IQCK: variants seen among roughly 807,000 people sequenced by gnomAD.
IQCK encodes IQ motif containing K, also known as IQ domain-containing protein K.
Under a neutral mutation model 28.1 loss-of-function variants are expected in IQCK, and 29 were observed. The observed-to-expected ratio is 1.03, with a 90% CI of 0.77 to 1.41. The LOEUF (loss-of-function observed/expected upper bound fraction) is 1.41, where lower values mean the gene tolerates loss of function less well. IQCK is among the 40% of genes most tolerant of loss of function. The pLI, the probability that IQCK is intolerant of heterozygous loss-of-function variation, is 0.00. For missense variants in IQCK, 359 were observed against 314.7 expected, an observed-to-expected ratio of 1.14 and a Z score of -1.07; for synonymous variants, 113 against 115.1, an observed-to-expected ratio of 0.98 and a Z score of 0.12.
intron 4 of IQCK, among the ~76,000 whole-genome samples, chr16:19,744,521 G>A (rs893667290): frequency 2.0e-5 from 3 of 152,170 alleles, no homozygotes; most frequent in African/African-American, 7.2e-5. Context: ...AATTTTTGGT[G>A]GAGATTACAA....
At position 19,744,164 on chromosome 16, in the gene IQCK, A is replaced by G. The variant is rs182813283; in HGVS notation, c.474+8714A>G. On this transcript the variant is annotated intron_variant, in intron 4 of 7. Transcript: ENST00000564186. ...TTGATTTTGAGTCACTCATCTTGTG[A>G]TTCTTTTATATATATCATTTTAAAT... Among the ~76,000 whole-genome samples the G allele has an allele frequency of 9.4e-4, 143 of 152,268 alleles. No individual in the cohort carries two copies. In the Middle Eastern group the frequency reaches 0.01, roughly 11 times the overall value.
chr16:19,775,096 G>A (rs921451635), intron 6 of IQCK, among the ~76,000 whole-genome samples: 3 of 151,922 alleles, frequency 2.0e-5, no homozygotes, highest in African/African-American at 7.3e-5. Context: ...GCGTGGTGGT[G>A]TGTGCCTGTA....
chr16:19,820,949 C>A (rs2056063991), intron 7 of IQCK, among the ~76,000 whole-genome samples: 1 of 152,130 alleles, frequency 6.6e-6, no homozygotes, highest in African/African-American at 2.4e-5. Context: ...AGACAGGCGA[C>A]AAGCACATGA....
chr16:19,756,378 A>G (rs2055052434), intron 4 of IQCK, among the ~76,000 whole-genome samples: 1 of 152,232 alleles, frequency 6.6e-6, no homozygotes, highest in Non-Finnish European at 1.5e-5. Context: ...TGAGACTTGA[A>G]GTTTAGTTAT....
chr16:19,803,083 A>G (rs1272141098), intron 7 of IQCK, among the ~76,000 whole-genome samples: 1 of 152,182 alleles, frequency 6.6e-6, no homozygotes, highest in Non-Finnish European at 1.5e-5. Flanking sequence ...AACTGGTCAC[A>G]GTGAGAACAA....
chr16:19,730,719 A>T (rs540189059), intron 2 of IQCK, among the ~76,000 whole-genome samples: 1 of 148,298 alleles, frequency 6.7e-6, no homozygotes, highest in Non-Finnish European at 1.5e-5. Context: ...TTGTCTGTCT[A>T]TCTATCTGTC....
chr16:19,823,073 G>A (rs1437720573), intron 7 of IQCK, among the ~76,000 whole-genome samples: 1 of 152,134 alleles, frequency 6.6e-6, no homozygotes, highest in Non-Finnish European at 1.5e-5. Context: ...TTTGGGGACT[G>A]TGTTTGTGTC....
At chr16:19,741,287 G>A (rs1461569882) in intron 4 of IQCK, among the ~76,000 whole-genome samples, 1 of 152,078 alleles carries the variant, frequency 6.6e-6, no homozygotes, top group East Asian at 1.9e-4. Flanking sequence ...ATTCCATTGT[G>A]CAACCTTTAT....
intron 6 of IQCK, among the ~76,000 whole-genome samples, chr16:19,766,522 A>T (rs1412192966): frequency 6.6e-6 from 1 of 152,210 alleles, no homozygotes; most frequent in East Asian, 1.9e-4. Context: ...GCAGGAACCA[A>T]AGTTCTTAAG....
At chr16:19,737,296 C>T (rs761168661) in intron 4 of IQCK, among the ~76,000 whole-genome samples, 4 of 152,150 alleles carry the variant, frequency 2.6e-5, no homozygotes, top group Non-Finnish European at 5.9e-5. Flanking sequence ...AGCACAGGGT[C>T]CCCATCTGAG....
At chr16:19,732,742 C>T (rs537967742) in intron 2 of IQCK, among the ~76,000 whole-genome samples, 11 of 152,304 alleles carry the variant, frequency 7.2e-5, no homozygotes, top group South Asian at 2.1e-4. Flanking sequence ...GAATCACAGG[C>T]GTGAGCCACC....
At chr16:19,828,634 C>T (rs115825460), downstream of IQCK, among the ~76,000 whole-genome samples, 2,535 of 150,922 alleles carry the variant, frequency 0.017, 55 homozygotes, top group African/African-American at 0.058. Flanking sequence ...CCTAGGACTT[C>T]GGGGGCCTGA....
intron 9 of IQCK, among the ~76,000 whole-genome samples, chr16:19,836,820 A>G (rs1017935076): frequency 7.2e-5 from 11 of 152,172 alleles, no homozygotes; most frequent in South Asian, 2.1e-4. Context: ...CTGATGCGGA[A>G]TGCTTTTGAA....
At chr16:19,739,898 C>T (rs1224056044) in intron 4 of IQCK, among the ~76,000 whole-genome samples, 1 of 152,216 alleles carries the variant, frequency 6.6e-6, no homozygotes, top group African/African-American at 2.4e-5. Context: ...TTGTTTCACC[C>T]TTACAATAAC....
chr16:19,843,489 T>G (rs1426824368), intron 9 of IQCK, among the ~76,000 whole-genome samples: 4 of 152,248 alleles, frequency 2.6e-5, no homozygotes, highest in African/African-American at 9.6e-5. Flanking sequence ...GTGACTGACT[T>G]CTTTCACTCA....
chr16:19,784,980 G>T (rs1007163915), intron 6 of IQCK, among the ~76,000 whole-genome samples: 1 of 152,110 alleles, frequency 6.6e-6, no homozygotes, highest in South Asian at 2.1e-4. Flanking sequence ...TGTTGGCCAG[G>T]CTGGTCTCGA....
chr16:19,719,670 A>ATTTTTTTT (rs1204084614), intron 1 of IQCK, among the ~76,000 whole-genome samples: 1 of 126,604 alleles, frequency 7.9e-6, no homozygotes, highest in Non-Finnish European at 1.6e-5. Context: ...TTGGACTCAA[A>ATTTTTTTT]TTTTTTTTTT....
intron 4 of IQCK, among the ~76,000 whole-genome samples, chr16:19,746,963 C>T (rs1456136052): frequency 6.6e-6 from 1 of 152,132 alleles, no homozygotes; most frequent in Non-Finnish European, 1.5e-5. Context: ...TAATAAACTA[C>T]CTCAAAAGTT....
intron 7 of IQCK, among the ~76,000 whole-genome samples, chr16:19,819,287 G>A (rs2056032269): frequency 1.3e-5 from 2 of 151,988 alleles, no homozygotes; most frequent in South Asian, 4.2e-4. Context: ...GAGGTCAGGA[G>A]TTTGAGACGA....
Sources: allele counts gnomAD v4.1 joint callset (sites outside exome capture counted in the v4.1 genomes callset), GRCh38; gene constraint gnomAD v4.1.1; transcripts MANE v1.5; gene names NCBI Gene and HGNC (gene_info 2026-07-23, HGNC 2026-07-21).